The following AGBL4 variants were observed in gnomAD, a reference collection of about 807,000 sequenced individuals.
AGBL4 encodes AGBL carboxypeptidase 4.
A neutral mutation model predicts 66.4 loss-of-function variants in AGBL4; 58 were observed. The observed-to-expected ratio is 0.87, with a 90% CI of 0.71 to 1.09. The LOEUF (loss-of-function observed/expected upper bound fraction) is 1.09, where lower values mean the gene tolerates loss of function less well. AGBL4 is among the 50% of genes least tolerant of loss of function. AGBL4 has a pLI of 0.00. For synonymous variants in AGBL4, 234 were observed against 222.9 expected (o/e 1.05, Z -0.44); for missense variants, 579 against 631.0 (o/e 0.92, Z 0.88).
At chr1:49,837,748 G>A (rs532802478) in intron 2 of AGBL4, among the ~76,000 whole-genome samples, 2 of 152,324 alleles carry the variant, frequency 1.3e-5, no homozygotes, top group South Asian at 4.1e-4. Context: ...GGGAGGCTGA[G>A]GCAGGAGAAT....
intron 6 of AGBL4, chr1:48,759,478 G>A: frequency 8.9e-7 from 1 of 1,127,322 alleles, no homozygotes; most frequent in Non-Finnish European, 1.2e-6. Flanking sequence ...TATAAATGGG[G>A]TTCCGAGTGG....
chr1:49,813,502 G>A (rs1645156397), intron 2 of AGBL4, among the ~76,000 whole-genome samples: 1 of 151,932 alleles, frequency 6.6e-6, no homozygotes, highest in African/African-American at 2.4e-5. Context: ...AGGTAAACAT[G>A]GCCACTCCCT....
intron 4 of AGBL4, among the ~76,000 whole-genome samples, chr1:49,227,381 A>G (rs1649994043): frequency 6.6e-6 from 1 of 152,152 alleles, no homozygotes. Flanking sequence ...TTAGACTCTT[A>G]ACATTTTTTT....
chr1:48,821,907 T>C, intron 6 of AGBL4, among the ~76,000 whole-genome samples: 1 of 152,126 alleles, frequency 6.6e-6, no homozygotes, highest in Middle Eastern at 3.2e-3. Flanking sequence ...AGCAAAAGAT[T>C]GAACAGACAT....
intron 4 of AGBL4, among the ~76,000 whole-genome samples, chr1:49,176,788 A>T (rs1042935419): frequency 8.5e-5 from 13 of 152,134 alleles, no homozygotes; most frequent in Non-Finnish European, 1.8e-4. Flanking sequence ...CTATCAAAAA[A>T]ATCTCTTAAC....
intron 4 of AGBL4, among the ~76,000 whole-genome samples, chr1:49,144,650 A>G (rs1569813425): frequency 6.6e-6 from 1 of 152,308 alleles, no homozygotes; most frequent in East Asian, 1.9e-4. Flanking sequence ...TTCAAGGACT[A>G]AACTGAGACA....
At position 48,867,098 on chromosome 1, in the gene AGBL4, A is replaced by G. The variant is rs183297604; in HGVS notation, c.634+93T>C. 26 of 1,427,656 alleles carry G rather than the reference A, an allele frequency of 1.8e-5. No individual in the cohort carries two copies. In the East Asian group the frequency reaches 3.8e-4, roughly 21 times the overall value. 88.4% of individuals were successfully genotyped at this position (1,427,656 alleles called of 1,614,324 possible). A position where few individuals can be genotyped will look rare whatever the true frequency, so the allele number is the denominator to read the frequency against. On this transcript the variant is annotated intron_variant, in intron 6 of 13. Coordinates refer to ENST00000371839, the MANE Select transcript of AGBL4 (RefSeq NM_032785.4). Reference sequence around the variant, plus strand: ...GTTCTGCCGTTCATTCAGGGAGCCAAAAGAGAAGGGCAAGAATTGCATTTG... The same window carrying G: ...GTTCTGCCGTTCATTCAGGGAGCCAGAAGAGAAGGGCAAGAATTGCATTTG...
intron 4 of AGBL4, among the ~76,000 whole-genome samples, chr1:49,198,946 A>G (rs141047048): frequency 1.2e-3 from 178 of 152,284 alleles, no homozygotes; most frequent in African/African-American, 4.1e-3. Context: ...AATTTGTAAA[A>G]CTATAAGAAC....
At chr1:49,121,040 T>C (rs1011201885) in intron 4 of AGBL4, among the ~76,000 whole-genome samples, 2 of 152,212 alleles carry the variant, frequency 1.3e-5, no homozygotes, top group Non-Finnish European at 2.9e-5. Context: ...TCTCATGCCA[T>C]GGTTTTCAGC....
chr1:48,543,648 C>CCATT (rs1187482255), intron 11 of AGBL4, among the ~76,000 whole-genome samples: 1 of 152,110 alleles, frequency 6.6e-6, no homozygotes, highest in Non-Finnish European at 1.5e-5. Flanking sequence ...GTCTCCTGGG[C>CCATT]CATTACTCCA....
At chr1:49,113,743 G>A (rs1645461274) in intron 4 of AGBL4, among the ~76,000 whole-genome samples, 1 of 152,226 alleles carries the variant, frequency 6.6e-6, no homozygotes, top group East Asian at 1.9e-4. Flanking sequence ...TGTAGCGTTA[G>A]CAGGCATGAA....
At chr1:48,764,493 G>T (rs987620637) in intron 6 of AGBL4, among the ~76,000 whole-genome samples, 12 of 152,156 alleles carry the variant, frequency 7.9e-5, no homozygotes, top group Non-Finnish European at 1.3e-4. Context: ...GGAAGGGGGG[G>T]AAATATTTGG....
chr1:49,266,983 AATAAGTAAATGC>A (rs1643936647), intron 3 of AGBL4, among the ~76,000 whole-genome samples: 1 of 152,188 alleles, frequency 6.6e-6, no homozygotes, highest in Admixed American at 6.5e-5. Context: ...GAGTCAGCTG[AATAAGTAAATGC>A]TCTACTCTGA....
intron 4 of AGBL4, among the ~76,000 whole-genome samples, chr1:49,211,608 AC>A (rs1648674645): frequency 6.6e-6 from 1 of 152,044 alleles, no homozygotes; most frequent in South Asian, 2.1e-4. Context: ...TAAACATTAA[AC>A]CTTCATTCTT....
At chr1:49,793,585 G>T (rs1364590334) in intron 2 of AGBL4, among the ~76,000 whole-genome samples, 2 of 151,964 alleles carry the variant, frequency 1.3e-5, no homozygotes, top group Non-Finnish European at 1.5e-5. Flanking sequence ...TGCGTAAATA[G>T]TAGGTCTCAA....
At chr1:49,420,094 A>T (rs1645510652) in intron 3 of AGBL4, among the ~76,000 whole-genome samples, 1 of 152,206 alleles carries the variant, frequency 6.6e-6, no homozygotes, top group South Asian at 2.1e-4. Flanking sequence ...CTTCACCTCT[A>T]ATAGCACAAA....
intron 1 of AGBL4, among the ~76,000 whole-genome samples, chr1:49,922,506 G>T (rs1652361336): frequency 6.6e-6 from 1 of 152,160 alleles, no homozygotes; most frequent in Admixed American, 6.6e-5. Flanking sequence ...AAGAGAGGAA[G>T]TCAAAGTATC....
chr1:49,986,110 A>G (rs1256279362), intron 1 of AGBL4, among the ~76,000 whole-genome samples: 2 of 152,116 alleles, frequency 1.3e-5, no homozygotes, highest in Non-Finnish European at 2.9e-5. Flanking sequence ...CACACCAATC[A>G]TAAGTATGTA....
intron 6 of AGBL4, among the ~76,000 whole-genome samples, chr1:48,752,605 T>C (rs1420674218): frequency 1.3e-5 from 2 of 152,244 alleles, no homozygotes; most frequent in African/African-American, 4.8e-5. Context: ...TGTTCTGCTG[T>C]AGGACAATGG....
Sources: gnomAD v4.1 joint callset for allele counts (sites outside exome capture counted in the v4.1 genomes callset) on GRCh38, gnomAD v4.1.1 for gene constraint, MANE v1.5 for transcripts, NCBI Gene and HGNC (gene_info 2026-07-23, HGNC 2026-07-21) for gene names.